Variants in PDIA6 observed in about 807,000 individuals in gnomAD.
The protein encoded by PDIA6 is protein disulfide isomerase family A member 6, also known as protein disulfide-isomerase A6.
Under a neutral mutation model 58.4 loss-of-function variants are expected in PDIA6, and 29 were observed. The observed-to-expected ratio is 0.50, with a 90% CI of 0.37 to 0.68. The LOEUF (loss-of-function observed/expected upper bound fraction) is 0.68. Ranked by LOEUF, PDIA6 falls within the 30% of genes least tolerant of loss-of-function variation. The pLI is 0.00. For missense variants in PDIA6, 480 were observed against 551.0 expected (o/e 0.87, Z 1.29); for synonymous variants, 192 against 202.6 (o/e 0.95, Z 0.44).
intron 2 of PDIA6, among the ~76,000 whole-genome samples, chr2:10,799,293 C>T (rs577074188): frequency 1.3e-4 from 20 of 152,310 alleles, no homozygotes; most frequent in African/African-American, 4.8e-4. Flanking sequence ...AGTAAATTCT[C>T]TTCTAATTAG....
chr2:10,819,383 T>A, intron 1 of PDIA6: 1 of 1,313,468 alleles, frequency 7.6e-7, no homozygotes, highest in Non-Finnish European at 1.1e-6. Context: ...AGGAGATGAG[T>A]GAGGTGGGGA....
At position 10,789,809 on chromosome 2, in the gene PDIA6, G is replaced by A. The variant is rs1665948783; in HGVS notation, c.780C>T (p.Asp260=). Residue 260 remains aspartate, a synonymous_variant, in exon 8 of 13, where the codon GAC becomes GAT. Coordinates refer to ENST00000272227, the MANE Select transcript of PDIA6 (RefSeq NM_005742.4). The part of the protein sequence containing the change: ...VDYDGGRTRS[D]IVSRALDLFS... ...ACAAATCAAGGGCCCGGGACACGAT[G>A]TCGGATCTTGTCCGCCCACCGTCAT... The A allele has an allele frequency of 1.2e-6, 2 of 1,613,742 alleles. No individual in the cohort carries two copies. The highest frequency in any genetic ancestry group is 1.7e-6 in the Non-Finnish European group (2 of 1,179,768).
Position 10,784,952 on chromosome 2 carries a change from C to A in PDIA6, c.1236G>T (p.Trp412Cys). 1.3e-6 allele frequency: 2 copies of A among 1,588,228 alleles called. No homozygotes were observed. Among genetic ancestry groups the A allele is most frequent in the East Asian group, 2.3e-5 (1 of 43,858 alleles). The change falls in exon 12 of 13, where the codon TGG (tryptophan) becomes TGT (cysteine). Residue 412 changes from tryptophan (W) to cysteine (C), a missense_variant. Physicochemically the swap from Trp to Cys is radical, Grantham distance 215. Transcript: ENST00000272227. ...AFPTIVEREP[W>C]DGRDGELPVE... The stretch of plus-strand genomic sequence containing the variant: ...CACTCACCTCGCCATCCCTGCCGTC[C>A]CAAGGCTCTCTCTCAACGATGGTAG...
upstream of PDIA6, among the ~76,000 whole-genome samples, chr2:10,834,433 G>A (rs575129010): frequency 1.4e-5 from 2 of 147,248 alleles, no homozygotes; most frequent in South Asian, 2.2e-4. Flanking sequence ...CTCCTTCCAC[G>A]GAGGCCTGGC....
chr2:10,836,504 T>C (rs775866451), upstream of PDIA6, among the ~76,000 whole-genome samples: 1 of 151,424 alleles, frequency 6.6e-6, no homozygotes, highest in Non-Finnish European at 1.5e-5. Flanking sequence ...TGAGCCACTG[T>C]GCCCGGCCTT....
chr2:10,811,706 C>G (rs1667004647), intron 1 of PDIA6, among the ~76,000 whole-genome samples: 1 of 152,170 alleles, frequency 6.6e-6, no homozygotes, highest in Admixed American at 6.5e-5. Flanking sequence ...AAGGCTGTGA[C>G]CAAGGCGAGC....
At chr2:10,816,213 G>A (rs891559098), upstream of PDIA6, among the ~76,000 whole-genome samples, 1 of 149,370 alleles carries the variant, frequency 6.7e-6, no homozygotes, top group Non-Finnish European at 1.5e-5. Flanking sequence ...CTCCCAAGTA[G>A]CTGGGATTAC....
rs777217040 is a variant in PDIA6 at position 10,812,704 on chromosome 2, G to A, written c.-8C>T. ...GAGCACCAGGAGAGCCATGCCGAGCGCCGGGCTACGTGCAGTCCCCACCGC... is the reference window on the plus strand; with the variant it reads ...GAGCACCAGGAGAGCCATGCCGAGCACCGGGCTACGTGCAGTCCCCACCGC... On this transcript the variant is annotated 5_prime_UTR_variant, in exon 1 of 13. Coordinates refer to ENST00000272227, the MANE Select transcript of PDIA6 (RefSeq NM_005742.4). 245 of 1,525,870 alleles carry A rather than the reference G, an allele frequency of 1.6e-4. No homozygotes were observed. The highest frequency in any genetic ancestry group is 2.0e-4 in the Non-Finnish European group (228 of 1,139,508). 94.5% of individuals were successfully genotyped at this position (1,525,870 alleles called of 1,614,324 possible).
upstream of PDIA6, among the ~76,000 whole-genome samples, chr2:10,836,134 G>T (rs1238831701): frequency 6.6e-6 from 1 of 152,162 alleles, no homozygotes; most frequent in Non-Finnish European, 1.5e-5. Flanking sequence ...GCCCGTGGGG[G>T]TGCCACCACC....
At chr2:10,812,613 T>G in intron 1 of PDIA6, 65 bp downstream of exon 1, 2 of 1,462,942 alleles carry the variant, frequency 1.4e-6, no homozygotes, top group Non-Finnish European at 1.8e-6. Flanking sequence ...GGGAACGGCC[T>G]AGAGATTCGA....
rs771397904 is a variant in PDIA6, at chr2:10,791,817, G to A, written c.562C>T (p.Pro188Ser). 7 of 1,613,926 alleles carry A rather than the reference G, an allele frequency of 4.3e-6. No individual in the cohort carries two copies. Among genetic ancestry groups the A allele is most frequent in the South Asian group, 1.1e-5 (1 of 91,006 alleles). ...TACTTTTTGCAGTGTCCACACCAAG[G>A]AGCATAGAACTCAACCATCCAAACA... ...EDVWMVEFYA[P>S]WCGHCKNLEP... The change falls in exon 6 of 13, where the codon CCT becomes TCT. Residue 188 changes from proline (P) to serine (S), a missense_variant. Coordinates refer to ENST00000272227, the MANE Select transcript of PDIA6 (RefSeq NM_005742.4).
chr2:10,784,875 C>T lies in PDIA6; in HGVS notation c.1254+59G>A, dbSNP rs144183019. ...ACTTGACTCCAGGTGCAGAGATGCA[C>T]AGGCTCAAGAGAGTAAACCAGGACT... On this transcript the variant is annotated intron_variant, in intron 12 of 12. Transcript: ENST00000272227. 1.2e-4 allele frequency: 152 copies of T among 1,256,586 alleles called. 1 individual carries two copies. The African/African-American group carries it at 1.2e-3, about 10-fold the overall frequency. The allele number at this position is 1,256,586 out of a possible 1,614,324, so 77.8% of individuals were successfully genotyped here. A position where few individuals can be genotyped will look rare whatever the true frequency, so the allele number is the denominator to read the frequency against.
chr2:10,810,337 C>A (rs192255906), intron 1 of PDIA6: 9 of 1,525,008 alleles, frequency 5.9e-6, no homozygotes, highest in Middle Eastern at 1.7e-4. Flanking sequence ...TAGACTGTGG[C>A]AGAATTAGGT....
At chr2:10,835,257 TGAG>T (rs987207749), upstream of PDIA6, among the ~76,000 whole-genome samples, 6 of 152,028 alleles carry the variant, frequency 3.9e-5, no homozygotes, top group Non-Finnish European at 8.8e-5. Context: ...ATCCCAGGCC[TGAG>T]ATGGTGGAAA....
chr2:10,825,225 G>A (rs776640876), intron 1 of PDIA6, among the ~76,000 whole-genome samples: 3 of 151,398 alleles, frequency 2.0e-5, no homozygotes, highest in Non-Finnish European at 4.4e-5. Flanking sequence ...GATCATGTGA[G>A]TTAATATTTT....
At chr2:10,807,483 C>CCAGGCCAAAATGTACTTTGGT (rs1666812680) in intron 1 of PDIA6, among the ~76,000 whole-genome samples, 1 of 152,154 alleles carries the variant, frequency 6.6e-6, no homozygotes, top group East Asian at 1.9e-4. Context: ...AGTGACCACG[C>CCAGGCCAAAATGTACTTTGGT]CAGGCCAAAA....
chr2:10,816,165 C>G (rs1324965927), upstream of PDIA6, among the ~76,000 whole-genome samples: 1 of 146,198 alleles, frequency 6.8e-6, no homozygotes, highest in South Asian at 2.2e-4. Flanking sequence ...TCACTGCAAC[C>G]TTTGCCTCCC....
chr2:10,812,613 T>A, intron 1 of PDIA6, 65 bp downstream of exon 1: 8 of 1,462,954 alleles, frequency 5.5e-6, no homozygotes, highest in Middle Eastern at 1.9e-4. Flanking sequence ...GGGAACGGCC[T>A]AGAGATTCGA....
At chr2:10,828,746 C>T (rs1237118502) in intron 1 of PDIA6, among the ~76,000 whole-genome samples, 1 of 152,210 alleles carries the variant, frequency 6.6e-6, no homozygotes, top group Non-Finnish European at 1.5e-5. Flanking sequence ...ATTTGGGGCA[C>T]AAATGTGCTA....
Sources: gnomAD v4.1 joint callset for allele counts (sites outside exome capture counted in the v4.1 genomes callset) on GRCh38, gnomAD v4.1.1 for gene constraint, MANE v1.5 for transcripts, NCBI Gene and HGNC (gene_info 2026-07-23, HGNC 2026-07-21) for gene names.